GSG1L: variants seen among roughly 807,000 people sequenced by gnomAD.
The protein encoded by GSG1L is GSG1 like.
Under a neutral mutation model 42.1 loss-of-function variants are expected in GSG1L, and 24 were observed. The ratio of observed to expected loss-of-function variants is 0.57; its 90% CI spans 0.41 to 0.80. The LOEUF (loss-of-function observed/expected upper bound fraction) is 0.80. Ranked by LOEUF, GSG1L falls within the 30% of genes least tolerant of loss-of-function variation. GSG1L has a pLI of 0.00. For missense variants in GSG1L, 445 were observed against 472.2 expected (o/e 0.94, Z 0.53); for synonymous variants, 215 against 203.5 (o/e 1.06, Z -0.48).
At chr16:27,804,073 A>AGATAGATAGATAGAT (rs1487255165) in intron 6 of GSG1L, among the ~76,000 whole-genome samples, 1 of 152,042 alleles carries the variant, frequency 6.6e-6, no homozygotes, top group African/African-American at 2.4e-5. Context: ...ATAGATAGAT[A>AGATAGATAGATAGAT]GATAGATAAA....
At chr16:28,005,946 A>C (rs2085632288) in intron 1 of GSG1L, among the ~76,000 whole-genome samples, 1 of 152,198 alleles carries the variant, frequency 6.6e-6, no homozygotes, top group Non-Finnish European at 1.5e-5. Context: ...GTAGCCCCTG[A>C]AATGGGGAGA....
intron 1 of GSG1L, among the ~76,000 whole-genome samples, chr16:27,995,091 G>A (rs966569413): frequency 7.9e-5 from 12 of 152,130 alleles, no homozygotes; most frequent in African/African-American, 2.4e-5. Flanking sequence ...GGACCACCAC[G>A]CATCCCAAGC....
At chr16:27,966,090 C>T (rs2141111152) in intron 1 of GSG1L, among the ~76,000 whole-genome samples, 1 of 152,342 alleles carries the variant, frequency 6.6e-6, no homozygotes, top group Non-Finnish European at 1.5e-5. Flanking sequence ...CCTCTGCTGC[C>T]TGCAGCACTG....
At chr16:27,798,080 G>T (rs1012882358) in intron 6 of GSG1L, among the ~76,000 whole-genome samples, 4 of 152,156 alleles carry the variant, frequency 2.6e-5, no homozygotes, top group African/African-American at 9.7e-5. Context: ...AGGGTACGTT[G>T]TTCACTATTC....
chr16:28,057,195 C>A (rs1156875739), intron 1 of GSG1L, among the ~76,000 whole-genome samples: 1 of 152,020 alleles, frequency 6.6e-6, no homozygotes. Context: ...GAGTGGGGAA[C>A]GGGGGTGATC....
chr16:27,909,635 CTTTTTTTTTTTT>C (rs10709968), intron 2 of GSG1L, among the ~76,000 whole-genome samples: 1 of 88,298 alleles, frequency 1.1e-5, no homozygotes, highest in South Asian at 4.0e-4. Context: ...CTGCACCCAG[CTTTTTTTTTTTT>C]TTTTTTTTTT....
intron 1 of GSG1L, among the ~76,000 whole-genome samples, chr16:27,979,057 T>A (rs930769414): frequency 1.3e-5 from 2 of 152,108 alleles, no homozygotes; most frequent in Non-Finnish European, 2.9e-5. Flanking sequence ...CTCTGCCTCC[T>A]CATAGCCAAG....
At chr16:27,921,227 G>T (rs985954042) in intron 2 of GSG1L, among the ~76,000 whole-genome samples, 2 of 152,102 alleles carry the variant, frequency 1.3e-5, no homozygotes, top group African/African-American at 4.8e-5. Flanking sequence ...AGTAGCTGCT[G>T]TCTTCAGCAC....
At chr16:27,872,666 A>G (rs1009277788) in intron 3 of GSG1L, among the ~76,000 whole-genome samples, 8 of 152,176 alleles carry the variant, frequency 5.3e-5, no homozygotes, top group Admixed American at 3.9e-4. Flanking sequence ...AAAACCCACC[A>G]AAACCAAGAT....
chr16:27,827,382 A>G (rs1283129823), intron 5 of GSG1L, among the ~76,000 whole-genome samples: 10 of 152,178 alleles, frequency 6.6e-5, no homozygotes, highest in Non-Finnish European at 1.5e-4. Flanking sequence ...GTGATTGTGC[A>G]AGCCCTGCCA....
chr16:27,963,189 T>G lies in GSG1L; in HGVS notation c.364A>C (p.Ser122Arg). The G allele has an allele frequency of 6.2e-7, 1 of 1,613,926 alleles. No homozygotes were observed. The highest frequency in any genetic ancestry group is 8.5e-7 in the Non-Finnish European group (1 of 1,179,826). ...ELSGLGEKCR[S>R]FIDLAPASEK... The stretch of plus-strand genomic sequence containing the variant: ...GATGCCGGGGCCAGGTCAATGAAGC[T>G]GCGACATTTTTCACCTTTGAAAAGA... Residue 122 changes from serine (S) to arginine (R), a missense_variant, in exon 2 of 7, where the codon AGC becomes CGC. Ser to Arg is a moderately radical substitution (Grantham distance 110, BLOSUM62 -1). This residue lies in a region of GSG1L where 149 missense variants were observed against 223.3 expected (regional missense o/e 0.67). Transcript: ENST00000447459.
chr16:27,951,721 C>G (rs1476126179), intron 2 of GSG1L, among the ~76,000 whole-genome samples: 2 of 152,176 alleles, frequency 1.3e-5, no homozygotes, highest in African/African-American at 4.8e-5. Context: ...AGGGGCTCCC[C>G]TCTCTGCTCA....
At chr16:27,886,168 G>A (rs1029464093) in intron 2 of GSG1L, among the ~76,000 whole-genome samples, 6 of 152,152 alleles carry the variant, frequency 3.9e-5, no homozygotes, top group African/African-American at 1.2e-4. Flanking sequence ...GGCTGGGCAC[G>A]GTGGCTCATG....
chr16:27,807,649 C>A (rs985242221), intron 5 of GSG1L, 95 bp from the exon 6 acceptor site: 11 of 1,010,872 alleles, frequency 1.1e-5, no homozygotes, highest in Admixed American at 8.8e-5. Context: ...AATCTTCCCC[C>A]CTCTGGAGAA....
chr16:27,872,919 C>T (rs2083840497), intron 3 of GSG1L, among the ~76,000 whole-genome samples: 1 of 152,168 alleles, frequency 6.6e-6, no homozygotes, highest in African/African-American at 2.4e-5. Flanking sequence ...GGAAATAATA[C>T]TAAGTATCCT....
At chr16:27,821,101 G>A (rs1236580352) in intron 5 of GSG1L, among the ~76,000 whole-genome samples, 1 of 152,042 alleles carries the variant, frequency 6.6e-6, no homozygotes, top group Non-Finnish European at 1.5e-5. Flanking sequence ...ACTGGGACTG[G>A]CCCCTCCTGC....
At chr16:27,889,417 T>A (rs1367885732) in intron 2 of GSG1L, among the ~76,000 whole-genome samples, 1 of 152,212 alleles carries the variant, frequency 6.6e-6, no homozygotes, top group Non-Finnish European at 1.5e-5. Flanking sequence ...TCGTTATAAT[T>A]GTCACAATAA....
At chr16:28,031,603 A>G (rs901294556) in intron 1 of GSG1L, among the ~76,000 whole-genome samples, 6 of 152,156 alleles carry the variant, frequency 3.9e-5, no homozygotes, top group Non-Finnish European at 5.9e-5. Context: ...TTATGAATGG[A>G]TGCACCCATT....
intron 5 of GSG1L, among the ~76,000 whole-genome samples, chr16:27,811,769 C>T (rs1041580646): frequency 6.6e-6 from 1 of 152,232 alleles, no homozygotes; most frequent in African/African-American, 2.4e-5. Context: ...CTGCCTCAGC[C>T]TCCCAAGTAT....
Sources: allele counts gnomAD v4.1 joint callset (sites outside exome capture counted in the v4.1 genomes callset), GRCh38; gene constraint gnomAD v4.1.1; regional missense constraint gnomAD v4.1.1; transcripts MANE v1.5; gene names NCBI Gene and HGNC (gene_info 2026-07-23, HGNC 2026-07-21).